SLC8A3: variants seen among roughly 807,000 people sequenced by gnomAD.
SLC8A3 encodes the protein sodium/calcium exchanger 3.
SLC8A3 carries 37 observed loss-of-function variants against 65.4 expected under a neutral mutation model. The observed-to-expected ratio is 0.57, with a 90% CI of 0.44 to 0.74. The LOEUF (loss-of-function observed/expected upper bound fraction) is 0.74, where lower values mean the gene tolerates loss of function less well. Ranked by LOEUF, SLC8A3 falls within the 30% of genes least tolerant of loss-of-function variation. SLC8A3 has a pLI of 0.00. For synonymous variants in SLC8A3, 461 were observed against 444.5 expected, an observed-to-expected ratio of 1.04 and a Z score of -0.47; for missense variants, 1,112 against 1,172.1, an observed-to-expected ratio of 0.95 and a Z score of 0.75.
intron 1 of SLC8A3, among the ~76,000 whole-genome samples, chr14:70,173,853 ACT>A (rs578125402): frequency 5.3e-4 from 81 of 152,198 alleles, no homozygotes; most frequent in Non-Finnish European, 8.4e-4. Flanking sequence ...GAAGCTCCTG[ACT>A]CTCTCAAGAG....
intron 2 of SLC8A3, among the ~76,000 whole-genome samples, chr14:70,152,539 T>C (rs1371324732): frequency 1.0e-4 from 15 of 149,214 alleles, no homozygotes; most frequent in South Asian, 6.4e-4. Context: ...TTTTTTTTTT[T>C]CCCTCTCCCT....
At chr14:70,121,417 C>T (rs1437716367) in intron 2 of SLC8A3, among the ~76,000 whole-genome samples, 3 of 152,226 alleles carry the variant, frequency 2.0e-5, no homozygotes, top group Admixed American at 2.0e-4. Flanking sequence ...AGACTAGATG[C>T]TCCTGCTACA....
chr14:70,101,534 T>C (rs1892553628), intron 2 of SLC8A3, among the ~76,000 whole-genome samples: 3 of 152,084 alleles, frequency 2.0e-5, no homozygotes, highest in South Asian at 4.1e-4. Context: ...GAAGATGTTG[T>C]AGATCACAAA....
At chr14:70,095,968 A>G (rs768951827) in intron 2 of SLC8A3, among the ~76,000 whole-genome samples, 45 of 150,918 alleles carry the variant, frequency 3.0e-4, no homozygotes, top group Admixed American at 2.0e-4. Flanking sequence ...TGCAACCTCC[A>G]CCTCCCGGGT....
intron 2 of SLC8A3, among the ~76,000 whole-genome samples, chr14:70,111,574 A>C (rs915885750): frequency 5.3e-5 from 8 of 152,246 alleles, no homozygotes; most frequent in African/African-American, 1.9e-4. Flanking sequence ...TCATTACAAG[A>C]GGCAGAATAT....
chr14:70,104,334 G>T (rs1892717948), intron 2 of SLC8A3, among the ~76,000 whole-genome samples: 1 of 151,988 alleles, frequency 6.6e-6, no homozygotes, highest in Admixed American at 6.6e-5. Flanking sequence ...CTTTTCAAGA[G>T]CACAAGGAAT....
chr14:70,135,998 C>G (rs193194558), intron 2 of SLC8A3, among the ~76,000 whole-genome samples: 3 of 152,118 alleles, frequency 2.0e-5, no homozygotes, highest in Non-Finnish European at 1.5e-5. Flanking sequence ...TATCCAATAT[C>G]TCATGTACCC....
chr14:70,159,077 T>C (rs554131056), intron 2 of SLC8A3, among the ~76,000 whole-genome samples: 1 of 152,208 alleles, frequency 6.6e-6, no homozygotes, highest in Non-Finnish European at 1.5e-5. Context: ...TTTCTCAAAC[T>C]GGGTTCTGGA....
intron 2 of SLC8A3, among the ~76,000 whole-genome samples, chr14:70,138,073 G>A (rs1418959311): frequency 6.6e-6 from 1 of 152,176 alleles, no homozygotes; most frequent in Non-Finnish European, 1.5e-5. Flanking sequence ...CAGGAGAAAG[G>A]AGGTAGCAGA....
At chr14:70,186,638 G>A (rs1030659903) in intron 1 of SLC8A3, among the ~76,000 whole-genome samples, 1 of 152,154 alleles carries the variant, frequency 6.6e-6, no homozygotes, top group Non-Finnish European at 1.5e-5. Context: ...AAAGAAAAAG[G>A]AGGCTACAAA....
intron 2 of SLC8A3, among the ~76,000 whole-genome samples, chr14:70,093,294 C>T (rs1415386806): frequency 1.3e-5 from 2 of 152,316 alleles, no homozygotes; most frequent in East Asian, 3.9e-4. Flanking sequence ...CATGCATACT[C>T]ATTAGATGAC....
chr14:70,125,519 G>A (rs56108754), intron 2 of SLC8A3, among the ~76,000 whole-genome samples: 2 of 152,192 alleles, frequency 1.3e-5, no homozygotes, highest in East Asian at 1.9e-4. Flanking sequence ...TCTTTTTTAC[G>A]AATGAATAGT....
At chr14:70,141,556 G>T in intron 2 of SLC8A3, among the ~76,000 whole-genome samples, 1 of 152,206 alleles carries the variant, frequency 6.6e-6, no homozygotes, top group Non-Finnish European at 1.5e-5. Flanking sequence ...GGACTGCAAA[G>T]CAGCAGTTCA....
At chr14:70,114,982 G>A (rs926122433) in intron 2 of SLC8A3, among the ~76,000 whole-genome samples, 2 of 151,972 alleles carry the variant, frequency 1.3e-5, no homozygotes, top group African/African-American at 2.4e-5. Context: ...ACGAGTGTCC[G>A]GCTCCCTAAT....
At position 70,045,719 on chromosome 14, in the gene SLC8A3, G is replaced by C; in HGVS notation, c.*228C>G. 1 of 420,766 alleles carries C rather than the reference G, an allele frequency of 2.4e-6. No homozygotes were observed. The highest frequency in any genetic ancestry group is 3.3e-5 in the East Asian group (1 of 30,218). 26.1% of individuals were successfully genotyped at this position (420,766 alleles called of 1,614,324 possible). On this transcript the variant is annotated 3_prime_UTR_variant, in exon 7 of 7. Coordinates refer to ENST00000356921, the MANE Select transcript of SLC8A3 (RefSeq NM_182932.3). ...GTGGATTTGTTGCTGTTGCTTGTTTGTATTCAATTAAATACTGTGTAAAGT... is the reference window on the plus strand; with the variant it reads ...GTGGATTTGTTGCTGTTGCTTGTTTCTATTCAATTAAATACTGTGTAAAGT...
At position 70,045,634 on chromosome 14, in the gene SLC8A3, G is replaced by A; in HGVS notation, c.*313C>T. ...GAATAATCAAAAGATGGAATAGAAGGAGGCGAAAGGCTCTGACCTTTGCTT... is the reference window on the plus strand; with the variant it reads ...GAATAATCAAAAGATGGAATAGAAGAAGGCGAAAGGCTCTGACCTTTGCTT... On this transcript the variant is annotated 3_prime_UTR_variant, in exon 7 of 7. Transcript: ENST00000356921. 4.0e-6 allele frequency: 1 copy of A among 250,180 alleles called. No homozygotes were observed. Among genetic ancestry groups the A allele is most frequent in the East Asian group, 7.3e-5 (1 of 13,706 alleles). The allele number at this position is 250,180 out of a possible 1,614,324, so 15.5% of individuals were successfully genotyped here.
chr14:70,134,662 C>T (rs1041266405), intron 2 of SLC8A3, among the ~76,000 whole-genome samples: 11 of 152,166 alleles, frequency 7.2e-5, no homozygotes, highest in African/African-American at 2.4e-4. Context: ...CCTGGATTTT[C>T]TTAGCATTTT....
chr14:70,129,052 C>T (rs1894662010), intron 2 of SLC8A3, among the ~76,000 whole-genome samples: 1 of 152,150 alleles, frequency 6.6e-6, no homozygotes, highest in South Asian at 2.1e-4. Flanking sequence ...ATCTCTTATA[C>T]TTTAGGCCAG....
chr14:70,186,322 A>G (rs989394905), intron 1 of SLC8A3, among the ~76,000 whole-genome samples: 4 of 152,096 alleles, frequency 2.6e-5, no homozygotes, highest in Non-Finnish European at 5.9e-5. Flanking sequence ...TAAATTACCC[A>G]GTCTTGGGTA....
Sources: gnomAD v4.1 joint callset for allele counts (sites outside exome capture counted in the v4.1 genomes callset) on GRCh38, gnomAD v4.1.1 for gene constraint, MANE v1.5 for transcripts, NCBI Gene and HGNC (gene_info 2026-07-23, HGNC 2026-07-21) for gene names.